Variants in EPS15 observed in about 807,000 individuals in gnomAD.
The protein encoded by EPS15 is epidermal growth factor receptor pathway substrate 15, also known as epidermal growth factor receptor substrate 15.
EPS15 carries 72 observed loss-of-function variants against 113.8 expected under a neutral mutation model. The observed-to-expected ratio is 0.63, with a 90% CI of 0.52 to 0.77. The LOEUF (loss-of-function observed/expected upper bound fraction) is 0.77, where lower values mean the gene tolerates loss of function less well. Ranked by LOEUF, EPS15 falls within the 30% of genes least tolerant of loss-of-function variation. The pLI is 0.00. For missense variants in EPS15, 1,048 were observed against 1,045.8 expected (o/e 1.00, Z -0.03); for synonymous variants, 344 against 363.4 (o/e 0.95, Z 0.61).
intron 1 of EPS15, chr1:51,490,230 C>G (rs1644206392): frequency 2.3e-6 from 1 of 434,680 alleles, no homozygotes; most frequent in South Asian, 1.6e-5. Flanking sequence ...ACAAAATAAA[C>G]TGAAATTTTA....
chr1:51,421,998 C>A lies in EPS15; in HGVS notation c.1041-140G>T, dbSNP rs530094987. 30 of 1,340,702 alleles carry A rather than the reference C, an allele frequency of 2.2e-5. No homozygotes were observed. The South Asian group carries it at 6.4e-4, about 29-fold the overall frequency. 83.1% of individuals were successfully genotyped at this position (1,340,702 alleles called of 1,614,324 possible). ...TTTAAATGAAGGGCAGATTTTTCTA[C>A]CCTCTTTCAATTATTTATGAAATAA... On this transcript the variant is annotated intron_variant, in intron 12 of 24. Transcript: ENST00000371733.
chr1:51,454,605 T>C (rs898934478), intron 8 of EPS15, among the ~76,000 whole-genome samples: 4 of 152,194 alleles, frequency 2.6e-5, no homozygotes, highest in Non-Finnish European at 4.4e-5. Context: ...AGACATTCTG[T>C]GGGATATCTA....
rs533697943 is a variant in EPS15, at chr1:51,398,114, C to T, written c.2052+918G>A. Reference sequence around the variant, plus strand: ...TGTCACCCAGGCTGGAGTGCAGTGGCGCGATCTCGGCTCACTGCAAGCTCC... The same window carrying T: ...TGTCACCCAGGCTGGAGTGCAGTGGTGCGATCTCGGCTCACTGCAAGCTCC... On this transcript the variant is annotated intron_variant, in intron 20 of 24. Coordinates refer to ENST00000371733, the MANE Select transcript of EPS15 (RefSeq NM_001981.3). 6.0e-5 allele frequency among the ~76,000 whole-genome samples: 9 copies of T among 149,884 alleles called. No individual in the cohort carries two copies. In the South Asian group the frequency reaches 1.9e-3, roughly 32 times the overall value.
intron 12 of EPS15, among the ~76,000 whole-genome samples, chr1:51,436,729 G>A (rs72696120): frequency 0.019 from 2,928 of 152,176 alleles, 47 homozygotes; most frequent in Non-Finnish European, 0.031. Context: ...AGATGGGAAG[G>A]TAAGGAATCA....
At chr1:51,442,651 C>A (rs1002564787) in intron 11 of EPS15, among the ~76,000 whole-genome samples, 5 of 152,070 alleles carry the variant, frequency 3.3e-5, no homozygotes, top group African/African-American at 1.2e-4. Context: ...ATCAGAGAGC[C>A]TAGGGAAGGC....
intron 12 of EPS15, among the ~76,000 whole-genome samples, chr1:51,436,321 A>T (rs1205556397): frequency 6.6e-6 from 1 of 152,218 alleles, no homozygotes; most frequent in Non-Finnish European, 1.5e-5. Flanking sequence ...CCAAAGGAGG[A>T]AAAGGCTCAA....
intron 21 of EPS15, among the ~76,000 whole-genome samples, chr1:51,386,444 C>A (rs147754999): frequency 5.8e-4 from 89 of 152,294 alleles, no homozygotes; most frequent in African/African-American, 2.0e-3. Context: ...GATTTGTCAG[C>A]GGTCAGCAGC....
chr1:51,481,709 A>G (rs1481385194), intron 1 of EPS15, among the ~76,000 whole-genome samples: 2 of 152,236 alleles, frequency 1.3e-5, no homozygotes, highest in Non-Finnish European at 2.9e-5. Flanking sequence ...AATACATTTC[A>G]AAAACCACTT....
intron 13 of EPS15, among the ~76,000 whole-genome samples, chr1:51,413,021 G>A (rs1649875126): frequency 6.6e-6 from 1 of 152,126 alleles, no homozygotes; most frequent in Admixed American, 6.5e-5. Context: ...CTTGCTGCAA[G>A]ACACATTAAA....
intron 2 of EPS15, among the ~76,000 whole-genome samples, chr1:51,478,984 C>G (rs932191974): frequency 6.6e-6 from 1 of 152,058 alleles, no homozygotes; most frequent in African/African-American, 2.4e-5. Flanking sequence ...TCTATATTTC[C>G]TGAATTTGAA....
In EPS15 at chr1:51,407,108, G is replaced by A. The variant is rs568204520; in HGVS notation, c.1474-1000C>T. 2.0e-5 allele frequency among the ~76,000 whole-genome samples: 3 copies of A among 152,254 alleles called. No homozygotes were observed. In the East Asian group the frequency reaches 5.8e-4, roughly 29 times the overall value. On this transcript the variant is annotated intron_variant, in intron 15 of 24. Transcript: ENST00000371733. The stretch of plus-strand genomic sequence containing the variant: ...TCTTTTCAAGGATATGTAACCTTGA[G>A]AAAGTTACTTGAACTTCCTTGGCTT...
intron 1 of EPS15, among the ~76,000 whole-genome samples, chr1:51,497,592 A>G (rs1435347837): frequency 1.3e-5 from 2 of 152,230 alleles, no homozygotes; most frequent in African/African-American, 4.8e-5. Context: ...CACGCATCTT[A>G]GAAGTATCAT....
intron 9 of EPS15, 84 bp from the exon 10 acceptor site, chr1:51,447,189 T>C: frequency 8.0e-7 from 1 of 1,244,790 alleles, no homozygotes; most frequent in Admixed American, 2.4e-5. Flanking sequence ...ACAATATCCA[T>C]CACAAATTCT....
intron 1 of EPS15, among the ~76,000 whole-genome samples, chr1:51,504,347 T>C (rs1644462468): frequency 6.6e-6 from 1 of 152,030 alleles, no homozygotes; most frequent in African/African-American, 2.4e-5. Flanking sequence ...GAGGTCGAGG[T>C]TGCAATGAAC....
At chr1:51,386,921 CCA>C (rs1433274206) in intron 21 of EPS15, among the ~76,000 whole-genome samples, 4 of 151,096 alleles carry the variant, frequency 2.6e-5, no homozygotes, top group Non-Finnish European at 5.9e-5. Context: ...GAGAACTTCC[CCA>C]ATCTAGCAAG....
In EPS15 at chr1:51,356,237, T is replaced by A. The variant is rs1392352803; in HGVS notation, c.*463A>T. 1 of 218,542 alleles carries A rather than the reference T, an allele frequency of 4.6e-6. No individual in the cohort carries two copies. Among genetic ancestry groups the A allele is most frequent in the African/African-American group, 2.2e-5 (1 of 44,724 alleles). 13.5% of individuals were successfully genotyped at this position (218,542 alleles called of 1,614,324 possible). A position where few individuals can be genotyped will look rare whatever the true frequency, so the allele number is the denominator to read the frequency against. On this transcript the variant is annotated 3_prime_UTR_variant, in exon 25 of 25. Coordinates refer to ENST00000371733, the MANE Select transcript of EPS15 (RefSeq NM_001981.3). ...CACTTTAGCCAATTTGCACCAATCA[T>A]AAAAGAAATAAGATATTCTTTCCCT...
At chr1:51,483,095 C>T (rs575788497) in intron 1 of EPS15, among the ~76,000 whole-genome samples, 1 of 152,226 alleles carries the variant, frequency 6.6e-6, no homozygotes, top group East Asian at 1.9e-4. Context: ...CATGCCATCC[C>T]ACCCAGGACG....
intron 21 of EPS15, among the ~76,000 whole-genome samples, chr1:51,387,034 G>T (rs574769020): frequency 6.6e-6 from 1 of 152,130 alleles, no homozygotes; most frequent in Non-Finnish European, 1.5e-5. Flanking sequence ...CACCAAAGTT[G>T]AAATGAAGGA....
Position 51,356,063 on chromosome 1 carries a change from A to T in EPS15, c.*637T>A. 5.0e-6 allele frequency: 1 copy of T among 200,968 alleles called. No homozygotes were observed. The allele number at this position is 200,968 out of a possible 1,614,324, so 12.4% of individuals were successfully genotyped here. A position where few individuals can be genotyped will look rare whatever the true frequency, so the allele number is the denominator to read the frequency against. On this transcript the variant is annotated 3_prime_UTR_variant, in exon 25 of 25. Coordinates refer to ENST00000371733, the MANE Select transcript of EPS15 (RefSeq NM_001981.3). ...TTTTTAAAAATTTATTTCACACATG[A>T]GGCTTTAATATTTTTAGTTAGGAAA...
Sources: gnomAD v4.1 joint callset for allele counts (sites outside exome capture counted in the v4.1 genomes callset) on GRCh38, gnomAD v4.1.1 for gene constraint, MANE v1.5 for transcripts, NCBI Gene and HGNC (gene_info 2026-07-23, HGNC 2026-07-21) for gene names.